The following PEX14 variants were observed in gnomAD, a reference collection of about 807,000 sequenced individuals.
The protein encoded by PEX14 is peroxisomal biogenesis factor 14.
In PEX14, 15 loss-of-function variants were observed where a neutral mutation model predicts 49.5. That is an observed-to-expected ratio of 0.30 (90% confidence interval 0.20 to 0.47). The LOEUF (loss-of-function observed/expected upper bound fraction) is 0.47. PEX14 is among the 20% of genes least tolerant of loss of function. The pLI, the probability that PEX14 is intolerant of heterozygous loss-of-function variation, is 1.00. For missense variants in PEX14, 398 were observed against 494.8 expected (o/e 0.80, Z 1.86); for synonymous variants, 210 against 212.7 (o/e 0.99, Z 0.11).
chr1:10,559,017 G>GT (rs1452955698), intron 3 of PEX14, among the ~76,000 whole-genome samples: 1 of 152,044 alleles, frequency 6.6e-6, no homozygotes, highest in Admixed American at 6.5e-5. Context: ...TGATTTCTGT[G>GT]TTTTTAGAAT....
In PEX14 at chr1:10,495,775, C is replaced by T. The variant is rs994001075; in HGVS notation, c.84+454C>T. On this transcript the variant is annotated intron_variant, in intron 2 of 8. Coordinates refer to ENST00000356607, the MANE Select transcript of PEX14 (RefSeq NM_004565.3). This position sits in a 1 kb window ranked among gnomAD's most constrained non-coding sequence, Gnocchi z 4.2. Reference sequence around the variant, plus strand: ...GTCAGTAATTGTGTGATTGTCATTCCCAACGCTGTCTTCTTAGACTATGGA... The same window carrying T: ...GTCAGTAATTGTGTGATTGTCATTCTCAACGCTGTCTTCTTAGACTATGGA... Among the ~76,000 whole-genome samples the T allele has an allele frequency of 6.6e-6, 1 of 152,144 alleles. No homozygotes were observed. The highest frequency in any genetic ancestry group is 1.5e-5 in the Non-Finnish European group (1 of 68,032).
intron 3 of PEX14, among the ~76,000 whole-genome samples, chr1:10,551,114 G>A (rs757558963): frequency 6.6e-6 from 1 of 152,084 alleles, no homozygotes; most frequent in Non-Finnish European, 1.5e-5. Context: ...GAGGTCGAAT[G>A]GTTACATTAC....
intron 2 of PEX14, among the ~76,000 whole-genome samples, chr1:10,511,972 T>TA (rs1641891196): frequency 6.6e-6 from 1 of 152,148 alleles, no homozygotes; most frequent in South Asian, 2.1e-4. Flanking sequence ...AATATATATA[T>TA]TTTTTGAGAC....
intron 2 of PEX14, among the ~76,000 whole-genome samples, chr1:10,511,789 G>C (rs1018740844): frequency 6.6e-6 from 1 of 152,078 alleles, no homozygotes; most frequent in Non-Finnish European, 1.5e-5. Context: ...GACTTCTGTG[G>C]TCTCTGGGAC....
At chr1:10,520,827 T>C (rs1638263652) in intron 2 of PEX14, among the ~76,000 whole-genome samples, 1 of 152,210 alleles carries the variant, frequency 6.6e-6, no homozygotes. Flanking sequence ...TCTGTAAATG[T>C]ACAGGGCAGC....
chr1:10,622,661 A>G (rs912450558), intron 5 of PEX14, among the ~76,000 whole-genome samples: 3 of 152,186 alleles, frequency 2.0e-5, no homozygotes, highest in Admixed American at 6.5e-5. Flanking sequence ...TTGTGTGTCC[A>G]TCCACATTTA....
At chr1:10,490,410 G>A (rs1461363137) in intron 1 of PEX14, among the ~76,000 whole-genome samples, 1 of 152,188 alleles carries the variant, frequency 6.6e-6, no homozygotes, top group Non-Finnish European at 1.5e-5. Context: ...AGCTGCTTGT[G>A]AGGTTGTTCT....
chr1:10,591,635 C>CTGTGTGTGTGTGTGTG (rs61635531), intron 3 of PEX14, among the ~76,000 whole-genome samples: 3 of 139,740 alleles, frequency 2.1e-5, no homozygotes, highest in Non-Finnish European at 3.1e-5. Context: ...GGTATACACA[C>CTGTGTGTGTGTGTGTG]TGTGTGTGTG....
intron 3 of PEX14, among the ~76,000 whole-genome samples, chr1:10,589,310 G>A (rs35841596): frequency 0.034 from 5,152 of 152,234 alleles, 165 homozygotes; most frequent in South Asian, 0.094. Flanking sequence ...AGGGCACAGC[G>A]GGTTCAAACA....
chr1:10,606,832 A>T (rs545508712), intron 4 of PEX14, among the ~76,000 whole-genome samples: 7 of 152,192 alleles, frequency 4.6e-5, no homozygotes, highest in African/African-American at 9.6e-5. Flanking sequence ...GCTCTTTTTT[A>T]AAAAAAATTC....
At chr1:10,498,874 A>G (rs1641617831) in intron 2 of PEX14, among the ~76,000 whole-genome samples, 1 of 152,216 alleles carries the variant, frequency 6.6e-6, no homozygotes, top group Non-Finnish European at 1.5e-5. Context: ...AGGCCTCCAG[A>G]GTACAGACCT....
At chr1:10,581,740 TTTTA>T (rs1480474666) in intron 3 of PEX14, among the ~76,000 whole-genome samples, 1 of 143,808 alleles carries the variant, frequency 7.0e-6, no homozygotes, top group African/African-American at 2.5e-5. Context: ...ATAATTTATA[TTTTA>T]TTTAATTTAT....
At position 10,594,363 on chromosome 1, in the gene PEX14, C is replaced by T. The variant is rs959769483; in HGVS notation, c.170-4875C>T. Among the ~76,000 whole-genome samples, 5 of 152,200 alleles carry T rather than the reference C, an allele frequency of 3.3e-5. No individual in the cohort carries two copies. In the South Asian group the frequency reaches 1.0e-3, roughly 32 times the overall value. The stretch of plus-strand genomic sequence containing the variant: ...ACCCCCTCTCAGTGTCCATGAGTCC[C>T]AGATGAATTGGCCAAGTCCTAGAAA... On this transcript the variant is annotated intron_variant, in intron 3 of 8. Coordinates refer to ENST00000356607, the MANE Select transcript of PEX14 (RefSeq NM_004565.3).
At chr1:10,509,394 T>C (rs1641845800) in intron 2 of PEX14, among the ~76,000 whole-genome samples, 1 of 152,242 alleles carries the variant, frequency 6.6e-6, no homozygotes, top group African/African-American at 2.4e-5. Flanking sequence ...GTTTATCAAA[T>C]GATTCTCATT....
intron 1 of PEX14, among the ~76,000 whole-genome samples, chr1:10,488,259 C>T (rs1047482532): frequency 3.3e-5 from 5 of 151,030 alleles, no homozygotes; most frequent in African/African-American, 4.9e-5. Flanking sequence ...TGAATAAAAG[C>T]GATTCTCCTG....
intron 1 of PEX14, among the ~76,000 whole-genome samples, chr1:10,475,647 C>T (rs954121604): frequency 1.3e-5 from 2 of 152,210 alleles, no homozygotes; most frequent in Admixed American, 1.3e-4. Context: ...AGCTTTTCAC[C>T]TGCAGATTCA....
intron 1 of PEX14, among the ~76,000 whole-genome samples, chr1:10,480,387 CTTTTTTTTTTT>C (rs34544712): frequency 1.1e-5 from 1 of 87,290 alleles, no homozygotes; most frequent in Non-Finnish European, 2.0e-5. Context: ...GCCTGGCTAA[CTTTTTTTTTTT>C]TTTTTTTTTT....
intron 3 of PEX14, chr1:10,536,519 CTT>C: frequency 1.8e-6 from 1 of 559,054 alleles, no homozygotes; most frequent in South Asian, 2.0e-5. Context: ...GCACGGATGA[CTT>C]AGTCCAGTCC....
At position 10,508,605 on chromosome 1, in the gene PEX14, C is replaced by T. The variant is rs533866853; in HGVS notation, c.84+13284C>T. On this transcript the variant is annotated intron_variant, in intron 2 of 8. Transcript: ENST00000356607. ...CCAGAAGTGCACCTCCTACTGTGCC[C>T]TCTGAATGCTCCTGCCTGCCAGATC... Among the ~76,000 whole-genome samples the T allele has an allele frequency of 2.6e-4, 40 of 152,322 alleles. No homozygotes were observed. In the South Asian group the frequency reaches 8.1e-3, roughly 31 times the overall value.
Sources: allele counts gnomAD v4.1 joint callset (sites outside exome capture counted in the v4.1 genomes callset), GRCh38; gene constraint gnomAD v4.1.1; non-coding constraint Gnocchi (gnomAD v3.1); transcripts MANE v1.5; gene names NCBI Gene and HGNC (gene_info 2026-07-23, HGNC 2026-07-21).